TECRL: variants seen among roughly 807,000 people sequenced by gnomAD.
TECRL encodes the protein trans-2,3-enoyl-CoA reductase like, also known as trans-2,3-enoyl-CoA reductase-like.
TECRL carries 63 observed loss-of-function variants against 52.8 expected under a neutral mutation model. That is an observed-to-expected ratio of 1.19 (90% CI 0.97 to 1.47). The LOEUF is 1.47. Ranked by LOEUF, TECRL falls within the 40% of genes most tolerant of loss-of-function variation. The pLI, the probability that TECRL is intolerant of heterozygous loss-of-function variation, is 0.00. For synonymous variants in TECRL, 164 were observed against 141.9 expected (o/e 1.16, Z -1.10); for missense variants, 482 against 429.6 (o/e 1.12, Z -1.08).
chr4:64,355,894 A>G (rs1353234936), intron 2 of TECRL, among the ~76,000 whole-genome samples: 1 of 152,116 alleles, frequency 6.6e-6, no homozygotes, highest in Non-Finnish European at 1.5e-5. Context: ...GAAAAGAAAG[A>G]GAGATCAGGC....
At position 64,392,407 on chromosome 4, in the gene TECRL, C is replaced by T. The variant is rs150805079; in HGVS notation, c.234+16711G>A. 2.0e-3 allele frequency among the ~76,000 whole-genome samples: 300 copies of T among 151,970 alleles called. 2 individuals carry two copies. The highest frequency in any genetic ancestry group is 6.8e-3 in the African/African-American group (281 of 41,536). ...CATTTTCGAGATACACACAGCATAT[C>T]CTCAAGAAATGCAAAACCCCTTCTA... On this transcript the variant is annotated intron_variant, in intron 1 of 11. Transcript: ENST00000381210.
chr4:64,380,271 G>A (rs1192903759), intron 1 of TECRL, among the ~76,000 whole-genome samples: 1 of 151,860 alleles, frequency 6.6e-6, no homozygotes, highest in Non-Finnish European at 1.5e-5. Flanking sequence ...TTATGCTTCT[G>A]GGAATTGAGG....
intron 8 of TECRL, among the ~76,000 whole-genome samples, chr4:64,293,613 G>A (rs1301352813): frequency 6.6e-6 from 1 of 152,066 alleles, no homozygotes; most frequent in Non-Finnish European, 1.5e-5. Context: ...AAAGCAAGGG[G>A]TCGAGGGAGG....
intron 7 of TECRL, among the ~76,000 whole-genome samples, chr4:64,301,118 A>C (rs1723994947): frequency 2.6e-5 from 4 of 150,950 alleles, no homozygotes. Flanking sequence ...TGAAGTTTAT[A>C]TATCTAATAG....
chr4:64,366,930 G>A (rs922899426), intron 2 of TECRL, among the ~76,000 whole-genome samples: 12 of 151,986 alleles, frequency 7.9e-5, no homozygotes, highest in African/African-American at 2.4e-4. Context: ...AGAGACACAT[G>A]TACTCATGTT....
chr4:64,336,503 C>A (rs966122161), intron 2 of TECRL, among the ~76,000 whole-genome samples: 8 of 152,104 alleles, frequency 5.3e-5, no homozygotes, highest in Non-Finnish European at 1.0e-4. Context: ...GTGTCTCTAT[C>A]TCCTTCAGTT....
In TECRL at chr4:64,321,682, C is replaced by T. The variant is rs569583997; in HGVS notation, c.435+1007G>A. The stretch of plus-strand genomic sequence containing the variant: ...GTGTTTCAATACTGTGCACTAGTAC[C>T]AAGTATTTTCACTGCCTCTTAACCC... On this transcript the variant is annotated intron_variant, in intron 4 of 11. Transcript: ENST00000381210. Among the ~76,000 whole-genome samples, 119 of 152,136 alleles carry T rather than the reference C, an allele frequency of 7.8e-4. 1 individual carries two copies. Among genetic ancestry groups the T allele is most frequent in the African/African-American group, 2.8e-3 (115 of 41,488 alleles).
At chr4:64,352,185 G>A (rs115780706) in intron 2 of TECRL, among the ~76,000 whole-genome samples, 2 of 152,224 alleles carry the variant, frequency 1.3e-5, no homozygotes, top group Admixed American at 6.5e-5. Context: ...TCAAATACCT[G>A]AGTCTACCAA....
At chr4:64,308,982 A>G (rs1053742112) in intron 6 of TECRL, among the ~76,000 whole-genome samples, 2 of 152,208 alleles carry the variant, frequency 1.3e-5, no homozygotes, top group African/African-American at 4.8e-5. Flanking sequence ...AAAATAAATT[A>G]TTTGATAATT....
chr4:64,288,317 T>C (rs1340406959), intron 9 of TECRL, among the ~76,000 whole-genome samples: 1 of 152,038 alleles, frequency 6.6e-6, no homozygotes, highest in Admixed American at 6.6e-5. Flanking sequence ...TGACCGGCTA[T>C]CAGAAGTTGA....
chr4:64,299,349 G>A (rs1286907990), intron 8 of TECRL: 2 of 150,972 alleles, frequency 1.3e-5, no homozygotes, highest in Admixed American at 1.3e-4. Flanking sequence ...ATCAATGACA[G>A]GGATGAAAGG....
intron 2 of TECRL, among the ~76,000 whole-genome samples, chr4:64,338,173 A>C (rs1185173942): frequency 2.6e-5 from 4 of 152,170 alleles, no homozygotes; most frequent in Admixed American, 2.0e-4. Context: ...CAAAAACAAG[A>C]AATAGGGAAA....
chr4:64,297,749 TTCAATGAATAGCAGACC>T (rs1177586163), intron 8 of TECRL, among the ~76,000 whole-genome samples: 7 of 151,170 alleles, frequency 4.6e-5, no homozygotes, highest in African/African-American at 1.7e-4. Context: ...ATATTATGCT[TTCAATGAATAGCAGACC>T]TCTTTATGTT....
intron 7 of TECRL, among the ~76,000 whole-genome samples, chr4:64,301,119 T>C (rs1723995085): frequency 6.6e-6 from 1 of 150,878 alleles, no homozygotes; most frequent in Non-Finnish European, 1.5e-5. Context: ...GAAGTTTATA[T>C]ATCTAATAGT....
intron 9 of TECRL, among the ~76,000 whole-genome samples, chr4:64,284,976 A>G (rs1445020426): frequency 6.6e-6 from 1 of 152,054 alleles, no homozygotes; most frequent in African/African-American, 2.4e-5. Context: ...TCTTTACTAA[A>G]AGGACTTCAT....
At chr4:64,298,198 G>A in intron 8 of TECRL, among the ~76,000 whole-genome samples, 1 of 151,022 alleles carries the variant, frequency 6.6e-6, no homozygotes, top group East Asian at 1.9e-4. Flanking sequence ...AACAGACAAT[G>A]CTTGCTATGT....
chr4:64,346,603 C>G (rs1720004666), intron 2 of TECRL, among the ~76,000 whole-genome samples: 1 of 152,242 alleles, frequency 6.6e-6, no homozygotes, highest in Non-Finnish European at 1.5e-5. Flanking sequence ...AGCTGAGACA[C>G]AAGGCAACAA....
At chr4:64,401,665 C>T (rs189707062) in intron 1 of TECRL, among the ~76,000 whole-genome samples, 155 of 152,254 alleles carry the variant, frequency 1.0e-3, no homozygotes, top group African/African-American at 3.5e-3. Context: ...TTATAAGCTT[C>T]GTGTAATCTA....
chr4:64,396,179 G>A (rs879364178), intron 1 of TECRL, among the ~76,000 whole-genome samples: 4 of 152,022 alleles, frequency 2.6e-5, no homozygotes, highest in Admixed American at 2.6e-4. Flanking sequence ...TTATATTCCT[G>A]TGGAAATATG....
Sources: gnomAD v4.1 joint callset for allele counts (sites outside exome capture counted in the v4.1 genomes callset) on GRCh38, gnomAD v4.1.1 for gene constraint, MANE v1.5 for transcripts, NCBI Gene and HGNC (gene_info 2026-07-23, HGNC 2026-07-21) for gene names.